The following HTR7 variants were observed in gnomAD, a reference collection of about 807,000 sequenced individuals.
HTR7 encodes the protein 5-hydroxytryptamine receptor 7.
HTR7 carries 16 observed loss-of-function variants against 34.0 expected under a neutral mutation model. The observed-to-expected ratio is 0.47, with a 90% confidence interval of 0.32 to 0.71. The LOEUF is 0.71. Among genes scored for constraint, HTR7 ranks in the 30% least tolerant of loss-of-function variants. HTR7 has a pLI of 0.04. For missense variants in HTR7, 504 were observed against 625.5 expected, an observed-to-expected ratio of 0.81 and a Z score of 2.07; for synonymous variants, 265 against 260.2, an observed-to-expected ratio of 1.02 and a Z score of -0.18.
intron 1 of HTR7, among the ~76,000 whole-genome samples, chr10:90,770,849 C>T (rs1036584963): frequency 2.2e-4 from 34 of 152,324 alleles, no homozygotes; most frequent in African/African-American, 6.3e-4. Context: ...GCCCCACCTT[C>T]GGGCCAGGGA....
chr10:90,845,371 G>A (rs1846399413), intron 1 of HTR7, among the ~76,000 whole-genome samples: 1 of 152,148 alleles, frequency 6.6e-6, no homozygotes, highest in Admixed American at 6.5e-5. Flanking sequence ...AGCAGGCAAT[G>A]GCTACAATGA....
chr10:90,787,842 G>A (rs1845404003), intron 1 of HTR7, among the ~76,000 whole-genome samples: 1 of 151,898 alleles, frequency 6.6e-6, no homozygotes, highest in African/African-American at 2.4e-5. Context: ...GAATGCGCAT[G>A]TTAAACCACT....
At chr10:90,835,311 T>C (rs1394456142) in intron 1 of HTR7, among the ~76,000 whole-genome samples, 2 of 152,272 alleles carry the variant, frequency 1.3e-5, no homozygotes, top group East Asian at 1.9e-4. Flanking sequence ...CAGGAAGACC[T>C]TAATGACAGA....
chr10:90,742,601 G>A, intron 3 of HTR7, 73 bp from the exon 4 acceptor site: 3 of 1,072,330 alleles, frequency 2.8e-6, no homozygotes, highest in East Asian at 2.4e-5. Context: ...TTTGTGGTAG[G>A]TGGACTTAAT....
intron 1 of HTR7, among the ~76,000 whole-genome samples, chr10:90,780,005 TCATTG>T (rs1418173543): frequency 2.0e-5 from 3 of 152,206 alleles, no homozygotes; most frequent in Non-Finnish European, 2.9e-5. Flanking sequence ...TCTGTCCATA[TCATTG>T]CACTGGTCAC....
At chr10:90,746,722 G>A (rs1335819320) in intron 2 of HTR7, among the ~76,000 whole-genome samples, 1 of 152,110 alleles carries the variant, frequency 6.6e-6, no homozygotes, top group Non-Finnish European at 1.5e-5. Context: ...TCATCTAGCT[G>A]TACTTACCAG....
chr10:90,746,170 C>T (rs958441825), intron 2 of HTR7, among the ~76,000 whole-genome samples: 2 of 152,110 alleles, frequency 1.3e-5, no homozygotes, highest in African/African-American at 2.4e-5. Context: ...AGAAAACTAA[C>T]CTATCATAAA....
At chr10:90,812,769 T>C (rs1338149331) in intron 1 of HTR7, among the ~76,000 whole-genome samples, 1 of 151,964 alleles carries the variant, frequency 6.6e-6, no homozygotes, top group African/African-American at 2.4e-5. Flanking sequence ...ACTTCAACAC[T>C]ATTTTGTTTT....
At chr10:90,772,972 G>A (rs1845141255) in intron 1 of HTR7, among the ~76,000 whole-genome samples, 1 of 152,266 alleles carries the variant, frequency 6.6e-6, no homozygotes, top group East Asian at 1.9e-4. Context: ...TTCAACATGA[G>A]TTTTCTCACT....
At chr10:90,806,327 G>A (rs931699584) in intron 1 of HTR7, among the ~76,000 whole-genome samples, 6 of 152,170 alleles carry the variant, frequency 3.9e-5, no homozygotes, top group African/African-American at 1.2e-4. Flanking sequence ...GGCTGGGCGC[G>A]GTGGCTCACG....
intron 1 of HTR7, among the ~76,000 whole-genome samples, chr10:90,752,597 A>C (rs901738503): frequency 6.6e-6 from 1 of 152,120 alleles, no homozygotes; most frequent in Non-Finnish European, 1.5e-5. Flanking sequence ...AAGAATAATG[A>C]AGGGATACTT....
intron 1 of HTR7, among the ~76,000 whole-genome samples, chr10:90,817,762 G>A (rs1204832599): frequency 3.9e-5 from 6 of 151,960 alleles, no homozygotes; most frequent in South Asian, 2.1e-4. Flanking sequence ...CAGAAAAACC[G>A]GTATATAAAT....
At chr10:90,815,075 T>A (rs1266941649) in intron 1 of HTR7, among the ~76,000 whole-genome samples, 4 of 136,130 alleles carry the variant, frequency 2.9e-5, no homozygotes, top group Non-Finnish European at 6.2e-5. Context: ...AAAGTTGGAT[T>A]TTTTTTTTGT....
chr10:90,770,415 C>T lies in HTR7; in HGVS notation c.540-20821G>A, dbSNP rs550804397. 2.0e-5 allele frequency among the ~76,000 whole-genome samples: 3 copies of T among 152,270 alleles called. No homozygotes were observed. The South Asian group carries it at 6.2e-4, about 32-fold the overall frequency. The stretch of plus-strand genomic sequence containing the variant: ...AAGGAGGCATAGCCTGGGCTGCCTG[C>T]AGGCTCCATGGAGAGGGCGGGGCTC... On this transcript the variant is annotated intron_variant, in intron 1 of 3. Coordinates refer to ENST00000336152, the MANE Select transcript of HTR7 (RefSeq NM_019859.4).
At chr10:90,759,511 C>T (rs1395832715) in intron 1 of HTR7, among the ~76,000 whole-genome samples, 21 of 150,106 alleles carry the variant, frequency 1.4e-4, no homozygotes, top group African/African-American at 3.9e-4. Flanking sequence ...AAAAATTAGC[C>T]GGGCGCGGTG....
intron 1 of HTR7, among the ~76,000 whole-genome samples, chr10:90,798,851 C>T (rs554921717): frequency 3.3e-5 from 5 of 152,328 alleles, no homozygotes; most frequent in Admixed American, 6.5e-5. Context: ...ATAGTTTATA[C>T]TTTGAAACAA....
intron 1 of HTR7, among the ~76,000 whole-genome samples, chr10:90,770,023 T>C (rs1292426245): frequency 6.6e-6 from 1 of 152,164 alleles, no homozygotes; most frequent in African/African-American, 2.4e-5. Context: ...GTGCCCCGCA[T>C]CCCCAAGGCA....
intron 1 of HTR7, among the ~76,000 whole-genome samples, chr10:90,780,476 G>A (rs1346624259): frequency 6.7e-6 from 1 of 150,288 alleles, no homozygotes; most frequent in East Asian, 2.0e-4. Context: ...GACGGAGGTT[G>A]CAGTGAGCCG....
chr10:90,789,126 A>G (rs141127366), intron 1 of HTR7, among the ~76,000 whole-genome samples: 3 of 152,340 alleles, frequency 2.0e-5, no homozygotes, highest in African/African-American at 7.2e-5. Flanking sequence ...TTCTCAGTAT[A>G]TCTACTGGCT....
Sources: allele counts gnomAD v4.1 joint callset (sites outside exome capture counted in the v4.1 genomes callset), GRCh38; gene constraint gnomAD v4.1.1; transcripts MANE v1.5; gene names NCBI Gene and HGNC (gene_info 2026-07-23, HGNC 2026-07-21).